Variants in PCDHA2 observed in about 807,000 individuals in gnomAD.
PCDHA2 encodes the protein protocadherin alpha-2.
A neutral mutation model predicts 66.0 loss-of-function variants in PCDHA2; 58 were observed. The ratio of observed to expected loss-of-function variants is 0.88; its 90% CI spans 0.71 to 1.09. The LOEUF is 1.09. PCDHA2 is among the 50% of genes least tolerant of loss of function. The probability of loss-of-function intolerance (pLI) is 0.00; values close to 1 mark genes in which losing one functional copy is unlikely to be tolerated. For missense variants in PCDHA2, 1,267 were observed against 1,242.3 expected (o/e 1.02, Z -0.30); for synonymous variants, 634 against 554.0 (o/e 1.14, Z -2.03).
intron 1 of PCDHA2, among the ~76,000 whole-genome samples, chr5:140,937,927 A>T (rs1376744977): frequency 1.3e-5 from 2 of 149,332 alleles, no homozygotes; most frequent in East Asian, 2.0e-4. Context: ...AAAAAAAAAA[A>T]GTTTAATTTG....
At chr5:140,816,930 A>G (rs2126676429) in intron 1 of PCDHA2, 1 of 152,186 alleles carries the variant, frequency 6.6e-6, no homozygotes, top group East Asian at 1.9e-4. Context: ...GCTGAATCCT[A>G]TCAGTGCCTG....
chr5:140,826,446 T>G (rs1768942723), intron 1 of PCDHA2, among the ~76,000 whole-genome samples: 1 of 152,178 alleles, frequency 6.6e-6, no homozygotes, highest in South Asian at 2.1e-4. Context: ...AGAAAAGGCT[T>G]TGTGTCACAA....
At position 140,847,877 on chromosome 5, in the gene PCDHA2, C is replaced by G. The variant is rs1305831915; in HGVS notation, c.2388+50525C>G. On this transcript the variant is annotated intron_variant, in intron 1 of 3. Coordinates refer to ENST00000526136, the MANE Select transcript of PCDHA2 (RefSeq NM_018905.3). ...TGTTGATTCCTTTTACCAGACATGA[C>G]TAAGTTTCTTTTTCATCAGTAGATT... 5 of 149,752 alleles carry G rather than the reference C, an allele frequency of 3.3e-5. 1 individual carries two copies. The highest frequency in any genetic ancestry group is 7.5e-5 in the Non-Finnish European group (5 of 66,994). 9.3% of individuals were successfully genotyped at this position (149,752 alleles called of 1,614,324 possible). A position where few individuals can be genotyped will look rare whatever the true frequency, so the allele number is the denominator to read the frequency against.
rs560121926 is a variant in PCDHA2 at position 140,949,352 on chromosome 5, T to A, written c.2389-29597T>A. Among the ~76,000 whole-genome samples, 6 of 151,992 alleles carry A rather than the reference T, an allele frequency of 3.9e-5. No individual in the cohort carries two copies. The South Asian group carries it at 1.2e-3, about 31-fold the overall frequency. On this transcript the variant is annotated intron_variant, in intron 1 of 3. Transcript: ENST00000526136. Reference sequence around the variant, plus strand: ...TTGTTATCCAGATTTTCTGTGTCTTTATTTTTTTGTCTAGTTGTCCTATCA... The same window carrying A: ...TTGTTATCCAGATTTTCTGTGTCTTAATTTTTTTGTCTAGTTGTCCTATCA...
At position 140,829,914 on chromosome 5, in the gene PCDHA2, C is replaced by G. The variant is rs2150177647; in HGVS notation, c.2388+32562C>G. ...GACTCAGGCTACAACGCGTGGCTTT[C>G]GTATGAGCTGCAGCCCCCGGCAAGC... On this transcript the variant is annotated intron_variant, in intron 1 of 3. Coordinates refer to ENST00000526136, the MANE Select transcript of PCDHA2 (RefSeq NM_018905.3). The G allele has an allele frequency of 6.2e-7, 1 of 1,613,998 alleles. No homozygotes were observed.
rs1554119536 is a variant in PCDHA2, at chr5:140,795,694, C to T, written c.730C>T (p.Gln244Ter). The T allele has an allele frequency of 6.2e-7, 1 of 1,613,984 alleles. No individual in the cohort carries two copies. The highest frequency in any genetic ancestry group is 1.1e-5 in the South Asian group (1 of 91,074). The part of the protein sequence containing the change: ...DVNDNEPTFA[Q>*]SVYKVKLLEN... ...AAATGACAATGAACCAACTTTTGCC[C>T]AATCAGTTTACAAAGTAAAATTGTT... is the stretch of plus-strand genomic sequence containing the variant. Residue 244 changes from glutamine (Q) to a stop codon, truncating the protein, a stop_gained, in exon 1 of 4, where the codon CAA (glutamine) becomes TAA (stop). Coordinates refer to ENST00000526136, the MANE Select transcript of PCDHA2 (RefSeq NM_018905.3). LOFTEE classifies it high-confidence loss of function.
chr5:140,978,240 C>G (rs1290697340), intron 1 of PCDHA2, among the ~76,000 whole-genome samples: 1 of 152,174 alleles, frequency 6.6e-6, no homozygotes, highest in African/African-American at 2.4e-5. Flanking sequence ...TGGATTTCAG[C>G]TACTCCCTGT....
In PCDHA2 at chr5:140,839,239, T is replaced by C. The variant is rs112328641; in HGVS notation, c.2388+41887T>C. Among the ~76,000 whole-genome samples the C allele has an allele frequency of 2.6e-3, 403 of 152,128 alleles. 5 individuals carry two copies. The highest frequency in any genetic ancestry group is 9.3e-3 in the African/African-American group (387 of 41,468). ...TGTAACTGTAATCTGTTTTTATTGCTTTGCTTTTATGCTTACATGCATGTA... is the reference window on the plus strand; with the variant it reads ...TGTAACTGTAATCTGTTTTTATTGCCTTGCTTTTATGCTTACATGCATGTA... On this transcript the variant is annotated intron_variant, in intron 1 of 3. Transcript: ENST00000526136.
At chr5:140,856,416 A>C in intron 1 of PCDHA2, 1 of 1,598,486 alleles carries the variant, frequency 6.3e-7, no homozygotes, top group South Asian at 1.1e-5. Context: ...GTGGAAGTGA[A>C]GGACATTAAC....
chr5:141,004,880 G>A (rs940142127), intron 3 of PCDHA2, among the ~76,000 whole-genome samples: 2 of 152,172 alleles, frequency 1.3e-5, no homozygotes, highest in Admixed American at 6.5e-5. Context: ...TCCCTAAAGT[G>A]CTATTGTGTC....
chr5:140,851,007 T>G, intron 1 of PCDHA2: 1 of 1,436,880 alleles, frequency 7.0e-7, no homozygotes, highest in Non-Finnish European at 9.2e-7. Context: ...CCAGCAGATT[T>G]TTTTTCTGAT....
intron 1 of PCDHA2, chr5:140,815,506 A>C (rs1410150940): frequency 2.0e-5 from 3 of 148,546 alleles, no homozygotes; most frequent in Non-Finnish European, 4.4e-5. Context: ...TATTGATGTC[A>C]TAAATACATC....
chr5:140,872,320 A>G (rs1409087290), intron 1 of PCDHA2, among the ~76,000 whole-genome samples: 1 of 152,166 alleles, frequency 6.6e-6, no homozygotes, highest in Admixed American at 6.5e-5. Context: ...TATGGAAATA[A>G]TATGACTAAA....
At chr5:140,975,045 A>G (rs1249490997) in intron 1 of PCDHA2, among the ~76,000 whole-genome samples, 1 of 152,112 alleles carries the variant, frequency 6.6e-6, no homozygotes, top group Non-Finnish European at 1.5e-5. Context: ...GGCTCTTAGG[A>G]AGAATCTACT....
intron 1 of PCDHA2, among the ~76,000 whole-genome samples, chr5:140,912,509 T>A (rs1473163707): frequency 6.6e-6 from 1 of 152,170 alleles, no homozygotes; most frequent in Non-Finnish European, 1.5e-5. Flanking sequence ...TTTGGATGAA[T>A]CTTTAGGGTT....
chr5:140,910,142 A>T (rs535162246), intron 1 of PCDHA2, among the ~76,000 whole-genome samples: 1 of 152,326 alleles, frequency 6.6e-6, no homozygotes, highest in South Asian at 2.1e-4. Context: ...TTAAGTCTGG[A>T]AATTGATTGA....
chr5:140,834,749 G>T (rs782597539), intron 1 of PCDHA2: 2 of 1,613,980 alleles, frequency 1.2e-6, no homozygotes, highest in African/African-American at 1.3e-5. Context: ...TGGACGTGGA[G>T]GTGAAGGACA....
At chr5:140,923,306 C>A (rs572766829) in intron 1 of PCDHA2, among the ~76,000 whole-genome samples, 1 of 152,216 alleles carries the variant, frequency 6.6e-6, no homozygotes, top group South Asian at 2.1e-4. Context: ...GGCGTGGGGG[C>A]GCTTGGCCTA....
Position 140,857,796 on chromosome 5 carries a change from C to T in PCDHA2, c.2388+60444C>T, listed in dbSNP as rs1554150678. 15 of 1,597,494 alleles carry T rather than the reference C, an allele frequency of 9.4e-6. 2 individuals are homozygous for T. The highest frequency in any genetic ancestry group is 1.7e-5 in the Admixed American group (1 of 59,248). ...GCAGTCAGTGAGCTGGTGCTGCGGT[C>T]GGTGGTTGCGGGTCACGTGGTGGCT... is the stretch of plus-strand genomic sequence containing the variant. On this transcript the variant is annotated intron_variant, in intron 1 of 3. Transcript: ENST00000526136.
Sources: allele counts gnomAD v4.1 joint callset (sites outside exome capture counted in the v4.1 genomes callset), GRCh38; gene constraint gnomAD v4.1.1; transcripts MANE v1.5; gene names NCBI Gene and HGNC (gene_info 2026-07-23, HGNC 2026-07-21).